CNTNAP5: variants seen among roughly 807,000 people sequenced by gnomAD.
CNTNAP5 encodes the protein contactin-associated protein-like 5.
CNTNAP5 carries 72 observed loss-of-function variants against 150.2 expected under a neutral mutation model. The observed-to-expected ratio is 0.48, with a 90% CI of 0.40 to 0.58. The LOEUF is 0.58. Ranked by LOEUF, CNTNAP5 falls within the 20% of genes least tolerant of loss-of-function variation. The probability of loss-of-function intolerance (pLI) is 0.00; values close to 1 mark genes in which losing one functional copy is unlikely to be tolerated. For missense variants in CNTNAP5, 1,636 were observed against 1,626.2 expected (o/e 1.01, Z -0.10); for synonymous variants, 672 against 619.8 (o/e 1.08, Z -1.25).
At chr2:124,343,516 A>C (rs1689667336) in intron 3 of CNTNAP5, among the ~76,000 whole-genome samples, 1 of 152,162 alleles carries the variant, frequency 6.6e-6, no homozygotes, top group African/African-American at 2.4e-5. Context: ...AAAGGTTTAA[A>C]ACATTTGATC....
intron 3 of CNTNAP5, among the ~76,000 whole-genome samples, chr2:124,402,194 C>T (rs1416461534): frequency 1.3e-5 from 2 of 152,236 alleles, no homozygotes; most frequent in East Asian, 3.9e-4. Flanking sequence ...GAATGAATGA[C>T]AGTGAAGGCC....
chr2:124,686,785 T>C (rs1023120504), intron 13 of CNTNAP5, among the ~76,000 whole-genome samples: 16 of 152,178 alleles, frequency 1.1e-4, no homozygotes, highest in African/African-American at 3.1e-4. Context: ...GAAGATTTGA[T>C]ATAATCTAGA....
intron 14 of CNTNAP5, among the ~76,000 whole-genome samples, chr2:124,751,860 A>G (rs1287957507): frequency 6.6e-6 from 1 of 152,200 alleles, no homozygotes; most frequent in African/African-American, 2.4e-5. Flanking sequence ...TGTTCTTAAT[A>G]TTTTATATAC....
At chr2:124,529,765 G>A (rs1695062414) in intron 10 of CNTNAP5, among the ~76,000 whole-genome samples, 1 of 152,150 alleles carries the variant, frequency 6.6e-6, no homozygotes, top group Admixed American at 6.6e-5. Context: ...ACTGCTGTCT[G>A]GAAAGCCCAC....
chr2:124,817,857 G>A (rs940431508), intron 19 of CNTNAP5, among the ~76,000 whole-genome samples: 77 of 152,084 alleles, frequency 5.1e-4, no homozygotes, highest in African/African-American at 1.6e-3. Context: ...ATCTGGCCTG[G>A]GGGTAAATAA....
intron 3 of CNTNAP5, among the ~76,000 whole-genome samples, chr2:124,389,453 C>A (rs564351804): frequency 6.6e-6 from 1 of 152,262 alleles, no homozygotes; most frequent in Non-Finnish European, 1.5e-5. Context: ...CCCTTGCCTT[C>A]TAAAATATGT....
intron 11 of CNTNAP5, among the ~76,000 whole-genome samples, chr2:124,575,511 C>A (rs1573469737): frequency 1.3e-5 from 2 of 152,154 alleles, no homozygotes; most frequent in Non-Finnish European, 1.5e-5. Context: ...ACTATTCATT[C>A]CCTGAGCATG....
At chr2:124,520,690 C>G (rs905547583) in intron 8 of CNTNAP5, among the ~76,000 whole-genome samples, 1 of 152,152 alleles carries the variant, frequency 6.6e-6, no homozygotes, top group Non-Finnish European at 1.5e-5. Flanking sequence ...CCCATATTGG[C>G]CCTCAATATC....
At chr2:124,054,746 C>T (rs1196058584) in intron 1 of CNTNAP5, among the ~76,000 whole-genome samples, 1 of 152,138 alleles carries the variant, frequency 6.6e-6, no homozygotes. Flanking sequence ...CACTCAAGCC[C>T]CTTCCTGCTG....
intron 12 of CNTNAP5, among the ~76,000 whole-genome samples, chr2:124,645,213 C>T (rs1678178851): frequency 6.6e-6 from 1 of 151,900 alleles, no homozygotes; most frequent in Non-Finnish European, 1.5e-5. Flanking sequence ...TTATCTTTAC[C>T]AACATGAATT....
chr2:124,396,697 G>GA (rs1419231276), intron 3 of CNTNAP5, among the ~76,000 whole-genome samples: 1 of 152,016 alleles, frequency 6.6e-6, no homozygotes, highest in African/African-American at 2.4e-5. Context: ...TGAAAATAAA[G>GA]AAAAACTCAC....
rs910530456 is a variant in CNTNAP5, at chr2:124,460,927, A to G, written c.919-13812A>G. Among the ~76,000 whole-genome samples the G allele has an allele frequency of 3.3e-5, 5 of 152,352 alleles. No individual in the cohort carries two copies. In the Middle Eastern group the frequency reaches 0.014, roughly 415 times the overall value. ...TGAAGGCCTCCATCGAGGAAAATAA[A>G]CTGAAAAAAATAAAGAAAAAGGAAG... On this transcript the variant is annotated intron_variant, in intron 6 of 23. Transcript: ENST00000682447.
intron 3 of CNTNAP5, among the ~76,000 whole-genome samples, chr2:124,406,428 G>C (rs541152589): frequency 6.6e-6 from 1 of 151,748 alleles, no homozygotes; most frequent in Non-Finnish European, 1.5e-5. Flanking sequence ...GGTTTTGTTC[G>C]CATATATTTT....
At chr2:124,441,563 T>C (rs539129367) in intron 5 of CNTNAP5, among the ~76,000 whole-genome samples, 21 of 152,110 alleles carry the variant, frequency 1.4e-4, no homozygotes, top group African/African-American at 5.1e-4. Context: ...ACTTTTAATT[T>C]TATCAAAAAG....
At chr2:124,358,499 A>G (rs1442781362) in intron 3 of CNTNAP5, among the ~76,000 whole-genome samples, 1 of 152,166 alleles carries the variant, frequency 6.6e-6, no homozygotes. Flanking sequence ...ATTTATTGAG[A>G]GTTTTTAGCA....
intron 19 of CNTNAP5, 27 bp downstream of exon 19, chr2:124,798,347 G>T: frequency 6.5e-7 from 1 of 1,539,502 alleles, no homozygotes; most frequent in Non-Finnish European, 9.0e-7. Context: ...GATACCCAGC[G>T]GAGTCTCAGC....
At chr2:124,713,167 C>CCT (rs201854590) in intron 13 of CNTNAP5, among the ~76,000 whole-genome samples, 1,998 of 137,484 alleles carry the variant, frequency 0.015, 181 homozygotes, top group African/African-American at 0.046. Flanking sequence ...TCCCTCCCTC[C>CCT]CTCTCTCTTT....
chr2:124,746,311 A>G (rs1680602252), intron 13 of CNTNAP5, among the ~76,000 whole-genome samples: 1 of 152,198 alleles, frequency 6.6e-6, no homozygotes, highest in South Asian at 2.1e-4. Flanking sequence ...ATTCTCAATC[A>G]TAAAAAATCC....
At chr2:124,178,907 GTTATTTAT>G (rs199781615) in intron 1 of CNTNAP5, among the ~76,000 whole-genome samples, 8,455 of 141,088 alleles carry the variant, frequency 0.06, 292 homozygotes, top group East Asian at 0.094. Context: ...ATTTTTATTT[GTTATTTAT>G]TTATTTATTT....
Sources: allele counts gnomAD v4.1 joint callset (sites outside exome capture counted in the v4.1 genomes callset), GRCh38; gene constraint gnomAD v4.1.1; transcripts MANE v1.5; gene names NCBI Gene and HGNC (gene_info 2026-07-23, HGNC 2026-07-21).